Variants in CRIM1 observed in about 807,000 individuals in gnomAD.
CRIM1 encodes the protein cysteine-rich motor neuron 1 protein.
Under a neutral mutation model 116.4 loss-of-function variants are expected in CRIM1, and 32 were observed. That is an observed-to-expected ratio of 0.27 (90% CI 0.21 to 0.37). The LOEUF (loss-of-function observed/expected upper bound fraction) is 0.37. CRIM1 is among the 10% of genes least tolerant of loss of function. The pLI, the probability that CRIM1 is intolerant of heterozygous loss-of-function variation, is 1.00. For missense variants in CRIM1, 1,331 were observed against 1,354.8 expected (o/e 0.98, Z 0.28); for synonymous variants, 590 against 509.2 (o/e 1.16, Z -2.13).
At chr2:36,498,928 C>G (rs180683230) in intron 7 of CRIM1, among the ~76,000 whole-genome samples, 2 of 152,220 alleles carry the variant, frequency 1.3e-5, no homozygotes, top group African/African-American at 4.8e-5. Context: ...GTTAACCTCT[C>G]TCGTCTGCTT....
Position 36,356,873 on chromosome 2 carries a change from G to T in CRIM1, c.331+250G>T, listed in dbSNP as rs1179804963. On this transcript the variant is annotated intron_variant, in intron 1 of 16. Coordinates refer to ENST00000280527, the MANE Select transcript of CRIM1 (RefSeq NM_016441.3). This position sits in a 1 kb window ranked among gnomAD's most constrained non-coding sequence, Gnocchi z 4.3. ...GGCGAGCGAGTGGAGGATCGCCCCT[G>T]TCCCCGCGCAGACGCGCACACGTGT... Among the ~76,000 whole-genome samples, 6 of 152,132 alleles carry T rather than the reference G, an allele frequency of 3.9e-5. No homozygotes were observed. Among genetic ancestry groups the T allele is most frequent in the Admixed American group, 2.0e-4 (3 of 15,290 alleles).
chr2:36,419,918 T>A (rs537083431), intron 2 of CRIM1, among the ~76,000 whole-genome samples: 1 of 152,358 alleles, frequency 6.6e-6, no homozygotes, highest in Admixed American at 6.5e-5. Flanking sequence ...AGCAAATATG[T>A]GGCTTTAAGG....
intron 2 of CRIM1, among the ~76,000 whole-genome samples, chr2:36,404,671 A>G (rs895894377): frequency 6.6e-6 from 1 of 152,212 alleles, no homozygotes; most frequent in Admixed American, 6.5e-5. Flanking sequence ...CACATTTTCA[A>G]TATACTATGG....
intron 2 of CRIM1, among the ~76,000 whole-genome samples, chr2:36,437,612 G>A (rs1490414421): frequency 2.6e-5 from 4 of 152,136 alleles, no homozygotes; most frequent in Non-Finnish European, 5.9e-5. Context: ...ATCTTGAAAA[G>A]TTGAAAAGCA....
chr2:36,433,439 C>T (rs979401225), intron 2 of CRIM1, among the ~76,000 whole-genome samples: 2 of 152,206 alleles, frequency 1.3e-5, no homozygotes, highest in Admixed American at 1.3e-4. Flanking sequence ...CTCAGTGCTT[C>T]TTTGGCACTT....
At chr2:36,470,503 G>A (rs181289693) in intron 5 of CRIM1, among the ~76,000 whole-genome samples, 9 of 152,218 alleles carry the variant, frequency 5.9e-5, no homozygotes, top group Admixed American at 1.3e-4. Context: ...TAAACCCCAC[G>A]GCTGTTAAGA....
At chr2:36,479,814 A>T (rs1410211924) in intron 7 of CRIM1, 120 bp downstream of exon 7, 1 of 929,772 alleles carries the variant, frequency 1.1e-6, no homozygotes, top group East Asian at 2.6e-5. Context: ...CGCTGTTACC[A>T]GTTGCCAACA....
chr2:36,365,514 C>A (rs1669531189), intron 1 of CRIM1, among the ~76,000 whole-genome samples: 1 of 152,096 alleles, frequency 6.6e-6, no homozygotes, highest in Non-Finnish European at 1.5e-5. Context: ...GGGCCAGAGG[C>A]CATCTGTGTT....
intron 13 of CRIM1, among the ~76,000 whole-genome samples, chr2:36,528,504 A>G (rs1324847133): frequency 6.6e-6 from 1 of 152,192 alleles, no homozygotes; most frequent in Admixed American, 6.5e-5. Flanking sequence ...TTATGTTGAG[A>G]GGCTAGTCCC....
At chr2:36,515,771 G>A (rs182590354) in intron 11 of CRIM1, among the ~76,000 whole-genome samples, 51 of 152,328 alleles carry the variant, frequency 3.3e-4, no homozygotes, top group African/African-American at 1.1e-3. Flanking sequence ...AAACACGCAC[G>A]TCAGATTTCT....
chr2:36,386,197 C>G (rs1051329453), intron 1 of CRIM1, among the ~76,000 whole-genome samples: 4 of 152,152 alleles, frequency 2.6e-5, no homozygotes, highest in Non-Finnish European at 5.9e-5. Context: ...TTCATGTCCT[C>G]AAGTCACATT....
chr2:36,489,039 T>C (rs577034986), intron 7 of CRIM1, among the ~76,000 whole-genome samples: 3 of 152,334 alleles, frequency 2.0e-5, no homozygotes, highest in Non-Finnish European at 4.4e-5. Flanking sequence ...AAAATTTACC[T>C]GGATCCCCAT....
chr2:36,473,025 C>A (rs1357827348), intron 5 of CRIM1, among the ~76,000 whole-genome samples: 1 of 152,166 alleles, frequency 6.6e-6, no homozygotes, highest in Non-Finnish European at 1.5e-5. Context: ...AAAATCACTG[C>A]CTCATTCATG....
chr2:36,537,092 T>C (rs1258380907), intron 13 of CRIM1, among the ~76,000 whole-genome samples: 5 of 152,182 alleles, frequency 3.3e-5, no homozygotes, highest in Non-Finnish European at 7.3e-5. Flanking sequence ...GATGACAGTC[T>C]AAGGACACTT....
At chr2:36,443,859 C>T (rs1213888223) in intron 4 of CRIM1, among the ~76,000 whole-genome samples, 1 of 152,176 alleles carries the variant, frequency 6.6e-6, no homozygotes, top group Non-Finnish European at 1.5e-5. Context: ...ACCTAGTATT[C>T]TCTAAGACAT....
chr2:36,539,378 A>G (rs1171491110), intron 14 of CRIM1, among the ~76,000 whole-genome samples: 1 of 152,186 alleles, frequency 6.6e-6, no homozygotes, highest in Non-Finnish European at 1.5e-5. Context: ...GAGGTAACTC[A>G]GTGAGCATGG....
At chr2:36,432,061 TAAAG>T (rs989442011) in intron 2 of CRIM1, among the ~76,000 whole-genome samples, 2 of 152,218 alleles carry the variant, frequency 1.3e-5, no homozygotes, top group Non-Finnish European at 2.9e-5. Context: ...CAAGCTGTTA[TAAAG>T]AGTCTTCTTA....
At chr2:36,529,343 C>T (rs546433012) in intron 13 of CRIM1, 2 of 304,150 alleles carry the variant, frequency 6.6e-6, no homozygotes, top group African/African-American at 4.3e-5. Flanking sequence ...CCAATGGCTT[C>T]TACGTTAAGG....
intron 12 of CRIM1, among the ~76,000 whole-genome samples, chr2:36,517,780 C>T (rs1043299490): frequency 2.0e-5 from 3 of 152,216 alleles, no homozygotes; most frequent in Admixed American, 6.5e-5. Context: ...GAGACTGTTG[C>T]TCTTGCCAAT....
Sources: gnomAD v4.1 joint callset for allele counts (sites outside exome capture counted in the v4.1 genomes callset) on GRCh38, gnomAD v4.1.1 for gene constraint, Gnocchi (gnomAD v3.1) non-coding constraint, MANE v1.5 for transcripts, NCBI Gene and HGNC (gene_info 2026-07-23, HGNC 2026-07-21) for gene names.